BMP8B: variants seen among roughly 807,000 people sequenced by gnomAD.
BMP8B encodes the protein bone morphogenetic protein 8b.
Under a neutral mutation model 30.3 loss-of-function variants are expected in BMP8B, and 17 were observed. The ratio of observed to expected loss-of-function variants is 0.56; its 90% CI spans 0.38 to 0.84. BMP8B has a LOEUF of 0.84. BMP8B is among the 40% of genes least tolerant of loss of function. The pLI, the probability that BMP8B is intolerant of heterozygous loss-of-function variation, is 0.00. For synonymous variants in BMP8B, 131 were observed against 214.7 expected (o/e 0.61, Z 3.41); for missense variants, 253 against 494.6 (o/e 0.51, Z 4.63).
intron 6 of BMP8B, among the ~76,000 whole-genome samples, chr1:39,762,889 G>C (rs1649197905): frequency 6.6e-6 from 1 of 152,244 alleles, no homozygotes; most frequent in African/African-American, 2.4e-5. Flanking sequence ...TCCGTGTTTG[G>C]GTGCGAGTCT....
chr1:39,782,160 A>C (rs1229205830), intron 1 of BMP8B, among the ~76,000 whole-genome samples: 1 of 151,262 alleles, frequency 6.6e-6, no homozygotes, highest in Admixed American at 6.6e-5. Context: ...TCAAAAAAAA[A>C]AAAAACAAAA....
chr1:39,781,669 G>A (rs1224980287), intron 1 of BMP8B, among the ~76,000 whole-genome samples: 1 of 152,182 alleles, frequency 6.6e-6, no homozygotes, highest in African/African-American at 2.4e-5. Context: ...AGCAAGTTTT[G>A]GATGCACCCA....
At chr1:39,787,234 G>A (rs1441186495) in intron 1 of BMP8B, among the ~76,000 whole-genome samples, 2 of 139,784 alleles carry the variant, frequency 1.4e-5, no homozygotes, top group Admixed American at 7.1e-5. Context: ...GCTGATGGCC[G>A]GGGCCAGGGA....
Position 39,763,771 on chromosome 1 carries a change from C to T in BMP8B, c.889G>A (p.Gly297Ser), listed in dbSNP as rs140254369. The T allele has an allele frequency of 5.3e-4, 851 of 1,600,062 alleles. 46 individuals carry two copies. In the African/African-American group the frequency reaches 9.7e-3, roughly 18 times the overall value. ...GIFDDVHGSH[G>S]RQVCRRHELY... Reference sequence around the variant, plus strand: ...TCGTGCCGACGGCAGACCTGCCGGCCGTGGGAGCCGTGGACGTCATCTGCA... The same window carrying T: ...TCGTGCCGACGGCAGACCTGCCGGCTGTGGGAGCCGTGGACGTCATCTGCA... Residue 297 changes from glycine to serine, a missense_variant, in exon 5 of 7, where the codon GGC becomes AGC. Transcript: ENST00000372827.
At chr1:39,777,835 T>C (rs1335685765) in intron 1 of BMP8B, among the ~76,000 whole-genome samples, 3 of 152,240 alleles carry the variant, frequency 2.0e-5, no homozygotes, top group Middle Eastern at 3.4e-3. Flanking sequence ...CTCCGGCCTC[T>C]TGTGCCTTCT....
At chr1:39,762,158 A>G (rs1022353266) in intron 6 of BMP8B, among the ~76,000 whole-genome samples, 4 of 152,252 alleles carry the variant, frequency 2.6e-5, no homozygotes, top group African/African-American at 9.6e-5. Flanking sequence ...AAGCATTATC[A>G]TAGGCTCAGA....
intron 1 of BMP8B, among the ~76,000 whole-genome samples, chr1:39,781,451 C>A (rs1310067370): frequency 6.6e-6 from 1 of 152,218 alleles, no homozygotes; most frequent in Non-Finnish European, 1.5e-5. Flanking sequence ...TAATTTTACA[C>A]AGATTAACTC....
At chr1:39,761,775 C>T (rs1649018599) in intron 6 of BMP8B, among the ~76,000 whole-genome samples, 1 of 152,252 alleles carries the variant, frequency 6.6e-6, no homozygotes, top group South Asian at 2.1e-4. Flanking sequence ...GGCCCAGTCT[C>T]TCCCCACTGA....
chr1:39,762,557 G>GA (rs759044704), intron 6 of BMP8B: 20 of 1,550,174 alleles, frequency 1.3e-5, no homozygotes, highest in South Asian at 5.9e-5. Flanking sequence ...AGGGGATCCA[G>GA]AAAAAACAAA....
Position 39,788,577 on chromosome 1 carries a change from G to A in BMP8B, c.-92C>T, listed in dbSNP as rs1280461150. Reference sequence around the variant, plus strand: ...CCTGGGGACGCCCCGACGGCAAGGAGGCTGGGCTCGGCGGGCGGCGGGCGG... The same window carrying A: ...CCTGGGGACGCCCCGACGGCAAGGAAGCTGGGCTCGGCGGGCGGCGGGCGG... On this transcript the variant is annotated 5_prime_UTR_variant, in exon 1 of 7. Coordinates refer to ENST00000372827, the MANE Select transcript of BMP8B (RefSeq NM_001720.5). The surrounding 1 kb of genome is among the most constrained non-coding windows in gnomAD (Gnocchi z 5.8). 8.2e-6 allele frequency: 8 copies of A among 977,882 alleles called. No homozygotes were observed. The highest frequency in any genetic ancestry group is 7.1e-5 in the African/African-American group (4 of 56,668). The allele number at this position is 977,882 out of a possible 1,614,324, so 60.6% of individuals were successfully genotyped here.
Position 39,760,475 on chromosome 1 carries a change from T to C in BMP8B, c.1153A>G (p.Asn385Asp). 6.2e-7 allele frequency: 1 copy of C among 1,614,038 alleles called. No homozygotes were observed. The highest frequency in any genetic ancestry group is 1.1e-5 in the South Asian group (1 of 91,082). Residue 385 changes from asparagine to aspartate, a missense_variant, in exon 7 of 7, where the codon AAT becomes GAT. Around this residue, in one of 7 missense-constraint regions of BMP8B, gnomAD observed 116 missense variants for 142.3 expected, o/e 0.81. Transcript: ENST00000372827. ...TTGCGGTGCTTGCGCAGGATGACAT[T>C]GTTGCTGCTGTCATAGTAGAGCACA... is the stretch of plus-strand genomic sequence containing the variant. The part of the protein sequence containing the change: ...TSVLYYDSSN[N>D]VILRKHRNMV...
chr1:39,759,949 G>C lies in BMP8B; in HGVS notation c.*470C>G, dbSNP rs562056. 0.12 allele frequency: 20,374 copies of C among 172,452 alleles called. 1,500 individuals are homozygous for C. The highest frequency in any genetic ancestry group is 0.16 in the Admixed American group (2,792 of 17,628). The allele number at this position is 172,452 out of a possible 1,614,324, so 10.7% of individuals were successfully genotyped here. Reference sequence around the variant, plus strand: ...TTTTATACCCCACCTTGCACCTCGGGCAGGCAATGGGGAGCCAACCAGACC... The same window carrying C: ...TTTTATACCCCACCTTGCACCTCGGCCAGGCAATGGGGAGCCAACCAGACC... On this transcript the variant is annotated 3_prime_UTR_variant, in exon 7 of 7. Coordinates refer to ENST00000372827, the MANE Select transcript of BMP8B (RefSeq NM_001720.5).
At chr1:39,780,509 G>A (rs1178393161) in intron 1 of BMP8B, among the ~76,000 whole-genome samples, 1 of 152,206 alleles carries the variant, frequency 6.6e-6, no homozygotes, top group Non-Finnish European at 1.5e-5. Context: ...GGGGAAACGT[G>A]AATTCCATTC....
Position 39,760,248 on chromosome 1 carries a change from C to G in BMP8B, c.*171G>C, listed in dbSNP as rs1300095070. On this transcript the variant is annotated 3_prime_UTR_variant, in exon 7 of 7. Coordinates refer to ENST00000372827, the MANE Select transcript of BMP8B (RefSeq NM_001720.5). ...ACAGTCACACAAATGCCTGGCAGGG[C>G]AAGGGGAGCATAGGAGCCTGGCATG... 4 of 1,127,292 alleles carry G rather than the reference C, an allele frequency of 3.5e-6. No individual in the cohort carries two copies. Among genetic ancestry groups the G allele is most frequent in the Non-Finnish European group, 4.9e-6 (4 of 815,008 alleles). The allele number at this position is 1,127,292 out of a possible 1,614,324, so 69.8% of individuals were successfully genotyped here.
intron 3 of BMP8B, among the ~76,000 whole-genome samples, chr1:39,769,231 C>T (rs148317296): frequency 2.6e-5 from 4 of 151,004 alleles, no homozygotes; most frequent in African/African-American, 7.3e-5. Flanking sequence ...AAAACAAGCT[C>T]GTGAAGATAG....
intron 3 of BMP8B, chr1:39,769,675 C>T (rs1315024109): frequency 1.9e-6 from 3 of 1,564,524 alleles, no homozygotes; most frequent in Non-Finnish European, 2.6e-6. Flanking sequence ...CTGAGGAGCG[C>T]ACCACCCCGC....
chr1:39,786,662 C>T lies in BMP8B; in HGVS notation c.334+1490G>A, dbSNP rs570980084. On this transcript the variant is annotated intron_variant, in intron 1 of 6. Coordinates refer to ENST00000372827, the MANE Select transcript of BMP8B (RefSeq NM_001720.5). ...ATCCACAACTCTTCTTGGTCCTGAG[C>T]CCAGTGTCAGCCTGTCCTGATGACA... Among the ~76,000 whole-genome samples, 5 of 152,272 alleles carry T rather than the reference C, an allele frequency of 3.3e-5. No individual in the cohort carries two copies. The East Asian group carries it at 7.7e-4, about 24-fold the overall frequency.
chr1:39,784,251 C>T (rs934887887), intron 1 of BMP8B, among the ~76,000 whole-genome samples: 1 of 152,114 alleles, frequency 6.6e-6, no homozygotes, highest in Non-Finnish European at 1.5e-5. Context: ...CCACAACAGC[C>T]CCATAAGATG....
intron 6 of BMP8B, among the ~76,000 whole-genome samples, chr1:39,761,791 C>G (rs1475187875): frequency 6.6e-6 from 1 of 152,232 alleles, no homozygotes; most frequent in East Asian, 1.9e-4. Flanking sequence ...ACTGATGGAG[C>G]AGCCACTCTG....
Sources: allele counts gnomAD v4.1 joint callset (sites outside exome capture counted in the v4.1 genomes callset), GRCh38; gene constraint gnomAD v4.1.1; regional missense constraint gnomAD v4.1.1; non-coding constraint Gnocchi (gnomAD v3.1); transcripts MANE v1.5; gene names NCBI Gene and HGNC (gene_info 2026-07-23, HGNC 2026-07-21).